KCNQ5: variants seen among roughly 807,000 people sequenced by gnomAD.
KCNQ5 encodes the protein potassium voltage-gated channel subfamily Q member 5.
Under a neutral mutation model 98.2 loss-of-function variants are expected in KCNQ5, and 30 were observed. The observed-to-expected ratio is 0.31, with a 90% CI of 0.23 to 0.41. The LOEUF (loss-of-function observed/expected upper bound fraction) is 0.41, where lower values mean the gene tolerates loss of function less well. Among genes scored for constraint, KCNQ5 ranks in the 10% least tolerant of loss-of-function variants. The pLI, the probability that KCNQ5 is intolerant of heterozygous loss-of-function variation, is 1.00. For missense variants in KCNQ5, 835 were observed against 1,182.5 expected (o/e 0.71, Z 4.31); for synonymous variants, 458 against 449.4 (o/e 1.02, Z -0.24).
intron 2 of KCNQ5, among the ~76,000 whole-genome samples, chr6:73,034,906 CAT>C (rs1771330262): frequency 7.0e-6 from 1 of 141,952 alleles, no homozygotes; most frequent in African/African-American, 2.6e-5. Flanking sequence ...AGTGCAGTGG[CAT>C]GATCTCGGCT....
At chr6:72,737,983 A>G (rs1438077992) in intron 1 of KCNQ5, among the ~76,000 whole-genome samples, 3 of 151,986 alleles carry the variant, frequency 2.0e-5, no homozygotes, top group South Asian at 2.1e-4. Flanking sequence ...GTGAAACCCC[A>G]TCTCTACTAA....
chr6:72,733,678 C>T (rs1770671311), intron 1 of KCNQ5, among the ~76,000 whole-genome samples: 1 of 152,168 alleles, frequency 6.6e-6, no homozygotes, highest in African/African-American at 2.4e-5. Context: ...AACCTTGAAC[C>T]TCCAGTGTAA....
chr6:73,156,281 T>C (rs995907738), intron 10 of KCNQ5, among the ~76,000 whole-genome samples: 1 of 152,242 alleles, frequency 6.6e-6, no homozygotes, highest in Non-Finnish European at 1.5e-5. Context: ...TTAATATGTG[T>C]TCCCCATAGC....
intron 1 of KCNQ5, among the ~76,000 whole-genome samples, chr6:72,995,455 A>G (rs1160168565): frequency 1.3e-5 from 2 of 152,190 alleles, no homozygotes; most frequent in Non-Finnish European, 2.9e-5. Context: ...ACATTAAATA[A>G]TGCTTATTTC....
intron 1 of KCNQ5, among the ~76,000 whole-genome samples, chr6:72,954,196 G>A (rs1019340276): frequency 5.9e-5 from 9 of 152,130 alleles, no homozygotes; most frequent in Non-Finnish European, 1.0e-4. Flanking sequence ...TCAAGCTTCT[G>A]GTTCCAACTA....
chr6:72,725,871 A>G (rs1294153767), intron 1 of KCNQ5, among the ~76,000 whole-genome samples: 3 of 152,196 alleles, frequency 2.0e-5, no homozygotes, highest in Non-Finnish European at 4.4e-5. Context: ...ATTCTTAGTA[A>G]CAACCTCCAT....
intron 1 of KCNQ5, among the ~76,000 whole-genome samples, chr6:72,755,993 T>C (rs1311327409): frequency 6.6e-6 from 1 of 152,202 alleles, no homozygotes; most frequent in Non-Finnish European, 1.5e-5. Flanking sequence ...GTCTTTCTCA[T>C]AAGCACCTCA....
intron 1 of KCNQ5, among the ~76,000 whole-genome samples, chr6:72,965,259 C>G (rs1767547244): frequency 6.6e-6 from 1 of 152,164 alleles, no homozygotes; most frequent in Non-Finnish European, 1.5e-5. Flanking sequence ...TTACAGTGCT[C>G]TTGGCTGTGA....
At chr6:73,096,161 C>T (rs531524886) in intron 5 of KCNQ5, among the ~76,000 whole-genome samples, 1 of 152,136 alleles carries the variant, frequency 6.6e-6, no homozygotes, top group South Asian at 2.1e-4. Context: ...GGACAGGAGG[C>T]ATCCCGGATG....
chr6:72,762,746 A>G (rs1247004718), intron 1 of KCNQ5, among the ~76,000 whole-genome samples: 1 of 152,090 alleles, frequency 6.6e-6, no homozygotes, highest in African/African-American at 2.4e-5. Context: ...TAATACTTAT[A>G]TATTGTTTGC....
At chr6:73,135,084 C>T (rs796280102) in intron 10 of KCNQ5, 33 of 152,304 alleles carry the variant, frequency 2.2e-4, no homozygotes, top group African/African-American at 6.5e-4. Flanking sequence ...TAAGCCTAGA[C>T]ACATCCCACC....
At chr6:72,955,744 C>T (rs1242449912) in intron 1 of KCNQ5, among the ~76,000 whole-genome samples, 1 of 152,028 alleles carries the variant, frequency 6.6e-6, no homozygotes, top group Non-Finnish European at 1.5e-5. Flanking sequence ...AAAACTGGGT[C>T]TTCTAAGGTT....
chr6:72,932,711 G>A (rs1336908990), intron 1 of KCNQ5, among the ~76,000 whole-genome samples: 3 of 151,936 alleles, frequency 2.0e-5, no homozygotes, highest in Non-Finnish European at 4.4e-5. Flanking sequence ...AGCATTTTTG[G>A]ACGCCTTGTC....
At chr6:73,042,602 G>T (rs1771763479) in intron 3 of KCNQ5, among the ~76,000 whole-genome samples, 1 of 151,958 alleles carries the variant, frequency 6.6e-6, no homozygotes, top group Non-Finnish European at 1.5e-5. Flanking sequence ...TTAATGCATT[G>T]GTAACTGTAG....
At chr6:72,772,999 G>A (rs909935406) in intron 1 of KCNQ5, among the ~76,000 whole-genome samples, 1 of 152,102 alleles carries the variant, frequency 6.6e-6, no homozygotes, top group South Asian at 2.1e-4. Context: ...TGCATGTCAC[G>A]GATAATCTAG....
intron 1 of KCNQ5, among the ~76,000 whole-genome samples, chr6:72,815,340 G>A (rs1775456647): frequency 6.6e-6 from 1 of 152,166 alleles, no homozygotes; most frequent in Non-Finnish European, 1.5e-5. Flanking sequence ...CGTAAGACAG[G>A]TGTAAAGTTC....
At chr6:73,058,176 G>T (rs150785968) in intron 3 of KCNQ5, among the ~76,000 whole-genome samples, 2 of 152,182 alleles carry the variant, frequency 1.3e-5, no homozygotes, top group Non-Finnish European at 2.9e-5. Flanking sequence ...ACTTTGGGAG[G>T]CCGAGGCAGG....
chr6:73,016,231 G>T (rs549848493), intron 2 of KCNQ5, among the ~76,000 whole-genome samples: 3 of 152,188 alleles, frequency 2.0e-5, no homozygotes, highest in Admixed American at 6.5e-5. Flanking sequence ...GAGGCGATGA[G>T]GCATGCAAAG....
In KCNQ5 at chr6:73,192,665, G is replaced by C. The variant is rs541012691; in HGVS notation, c.1810G>C (p.Gly604Arg). 6.3e-7 allele frequency: 1 copy of C among 1,599,666 alleles called. No homozygotes were observed. Among genetic ancestry groups the C allele is most frequent in the Non-Finnish European group, 8.5e-7 (1 of 1,173,056 alleles). Residue 604 changes from glycine to arginine, a missense_variant, in exon 13 of 14, where the codon GGT (glycine) becomes CGT (arginine). This residue lies in a region of KCNQ5 where 416 missense variants were observed against 446.9 expected (regional missense o/e 0.93). Transcript: ENST00000370398. The stretch of plus-strand genomic sequence containing the variant: ...GACCACAGACGATCTCAGTATGCTC[G>C]GTCGGGTGGTCAAGGTTGAAAAACA... ...HETTDDLSML[G>R]RVVKVEKQVQ...
Sources: allele counts gnomAD v4.1 joint callset (sites outside exome capture counted in the v4.1 genomes callset), GRCh38; gene constraint gnomAD v4.1.1; regional missense constraint gnomAD v4.1.1; transcripts MANE v1.5; gene names NCBI Gene and HGNC (gene_info 2026-07-23, HGNC 2026-07-21).